Variants in SHANK2 observed in about 807,000 individuals in gnomAD.
SHANK2 encodes the protein SH3 and multiple ankyrin repeat domains protein 2.
In SHANK2, 43 loss-of-function variants were observed where a neutral mutation model predicts 133.7. That is an observed-to-expected ratio of 0.32 (90% confidence interval 0.25 to 0.41). The LOEUF is 0.41. Ranked by LOEUF, SHANK2 falls within the 10% of genes least tolerant of loss-of-function variation. The pLI is 1.00. For missense variants in SHANK2, 1,994 were observed against 2,235.8 expected (o/e 0.89, Z 2.18); for synonymous variants, 1,017 against 952.8 (o/e 1.07, Z -1.24).
intron 17 of SHANK2, among the ~76,000 whole-genome samples, chr11:70,622,635 G>A (rs781989139): frequency 1.3e-5 from 2 of 152,204 alleles, no homozygotes; most frequent in African/African-American, 2.4e-5. Flanking sequence ...GCCTCTGCAC[G>A]TGGCCTTCTG....
chr11:70,702,698 C>A (rs888114051), intron 14 of SHANK2, among the ~76,000 whole-genome samples: 1 of 152,222 alleles, frequency 6.6e-6, no homozygotes, highest in African/African-American at 2.4e-5. Flanking sequence ...TATCTCATTT[C>A]ATTAAAAGTA....
chr11:70,887,265 G>A (rs1328330765), intron 11 of SHANK2, among the ~76,000 whole-genome samples: 3 of 123,912 alleles, frequency 2.4e-5, no homozygotes, highest in South Asian at 2.9e-4. Flanking sequence ...AACACTGGAC[G>A]ACAACAAGCA....
intron 14 of SHANK2, among the ~76,000 whole-genome samples, chr11:70,708,762 C>T (rs1565258724): frequency 1.3e-5 from 2 of 152,194 alleles, no homozygotes; most frequent in African/African-American, 4.8e-5. Flanking sequence ...CATTCTTTTC[C>T]CCAAGTGCTA....
intron 2 of SHANK2, among the ~76,000 whole-genome samples, chr11:71,159,657 A>G (rs1273449024): frequency 6.6e-6 from 1 of 152,228 alleles, no homozygotes; most frequent in Non-Finnish European, 1.5e-5. Context: ...TAGACAATGT[A>G]AAAGTTAAGA....
At chr11:70,835,896 G>A (rs2135413003) in intron 11 of SHANK2, among the ~76,000 whole-genome samples, 1 of 152,280 alleles carries the variant, frequency 6.6e-6, no homozygotes, top group East Asian at 1.9e-4. Flanking sequence ...TAGGGGCAGA[G>A]TGGGCTCCCT....
At chr11:71,228,324 T>C (rs1229390832) in intron 1 of SHANK2, among the ~76,000 whole-genome samples, 3 of 152,236 alleles carry the variant, frequency 2.0e-5, no homozygotes, top group African/African-American at 7.2e-5. Context: ...CACTGGAGAA[T>C]TCTATGAAAT....
chr11:70,631,393 C>CAA (rs2060986329), intron 17 of SHANK2, among the ~76,000 whole-genome samples: 1 of 149,638 alleles, frequency 6.7e-6, no homozygotes, highest in African/African-American at 2.4e-5. Flanking sequence ...CACACACACA[C>CAA]ACACACACAC....
At chr11:70,906,728 G>C (rs1415285692) in intron 10 of SHANK2, among the ~76,000 whole-genome samples, 3 of 152,146 alleles carry the variant, frequency 2.0e-5, no homozygotes, top group Non-Finnish European at 4.4e-5. Flanking sequence ...GATGCCCAAA[G>C]ACCCCAGGGC....
At chr11:70,586,153 T>C (rs1196548315) in intron 17 of SHANK2, among the ~76,000 whole-genome samples, 1 of 151,956 alleles carries the variant, frequency 6.6e-6, no homozygotes, top group Admixed American at 6.6e-5. Flanking sequence ...GCTATTCTAA[T>C]TAGGGGGAAG....
chr11:70,796,347 C>T (rs531808589), intron 14 of SHANK2, among the ~76,000 whole-genome samples: 76 of 152,322 alleles, frequency 5.0e-4, no homozygotes, highest in Non-Finnish European at 8.4e-4. Flanking sequence ...GATCCCCCTA[C>T]GCAGCAGCCC....
chr11:71,197,394 A>G (rs1953927417), intron 2 of SHANK2, among the ~76,000 whole-genome samples: 1 of 152,218 alleles, frequency 6.6e-6, no homozygotes, highest in South Asian at 2.1e-4. Flanking sequence ...GTTCAAAAAC[A>G]GATTAATAAA....
intron 9 of SHANK2, among the ~76,000 whole-genome samples, chr11:71,066,090 TG>T (rs1226644103): frequency 2.7e-4 from 2 of 7,348 alleles, no homozygotes. Flanking sequence ...GGGAAGTTGG[TG>T]GGGGGGGTGT....
At position 70,835,488 on chromosome 11, in the gene SHANK2, G is replaced by A. The variant is rs181231250; in HGVS notation, c.1175-14806C>T. ...CCACCAGTTCTTGGGGACATGGTCC[G>A]CTCAGTCAGGAATCACAACCAGGGG... On this transcript the variant is annotated intron_variant, in intron 11 of 25. Transcript: ENST00000601538. 3.2e-3 allele frequency among the ~76,000 whole-genome samples: 487 copies of A among 152,304 alleles called. 2 individuals are homozygous for A. Among genetic ancestry groups the A allele is most frequent in the Non-Finnish European group, 5.5e-3 (375 of 68,026 alleles).
intron 14 of SHANK2, among the ~76,000 whole-genome samples, chr11:70,755,307 G>A (rs201874421): frequency 2.6e-5 from 4 of 152,240 alleles, no homozygotes; most frequent in South Asian, 4.1e-4. Context: ...CCTGACCTCA[G>A]GTGATCCACC....
At chr11:70,732,707 C>G (rs916620698) in intron 14 of SHANK2, among the ~76,000 whole-genome samples, 1 of 152,350 alleles carries the variant, frequency 6.6e-6, no homozygotes, top group East Asian at 1.9e-4. Flanking sequence ...CAGCCCATGC[C>G]CTTGCTTCTG....
chr11:70,527,839 A>C (rs1554972426), intron 17 of SHANK2, among the ~76,000 whole-genome samples: 1 of 152,220 alleles, frequency 6.6e-6, no homozygotes, highest in Non-Finnish European at 1.5e-5. Flanking sequence ...ACCAGGGCAA[A>C]GGGCAGAGAG....
intron 25 of SHANK2, chr11:70,477,450 A>G (rs1296955921): frequency 2.6e-5 from 4 of 152,194 alleles, no homozygotes; most frequent in Non-Finnish European, 5.9e-5. Context: ...GGCTTGGGAT[A>G]ATGTAACCAC....
intron 14 of SHANK2, among the ~76,000 whole-genome samples, chr11:70,781,422 G>A (rs1947485472): frequency 6.6e-6 from 1 of 151,028 alleles, no homozygotes. Context: ...AGGCATCTCT[G>A]AGAGCCTTAA....
chr11:70,756,119 C>T (rs11237387), intron 14 of SHANK2, among the ~76,000 whole-genome samples: 14,652 of 152,056 alleles, frequency 0.096, 912 homozygotes, highest in South Asian at 0.28. Flanking sequence ...AGCCCCCGTG[C>T]GAGCAGGTGC....
Sources: allele counts gnomAD v4.1 joint callset (sites outside exome capture counted in the v4.1 genomes callset), GRCh38; gene constraint gnomAD v4.1.1; transcripts MANE v1.5; gene names NCBI Gene and HGNC (gene_info 2026-07-23, HGNC 2026-07-21).